The following RNF213 variants were observed in gnomAD, a reference collection of about 807,000 sequenced individuals.
RNF213 encodes the protein ring finger protein 213.
A neutral mutation model predicts 514.4 loss-of-function variants in RNF213; 341 were observed. The observed-to-expected ratio is 0.66, with a 90% CI of 0.61 to 0.73. The LOEUF is 0.73. Ranked by LOEUF, RNF213 falls within the 30% of genes least tolerant of loss-of-function variation. The pLI is 0.00. For synonymous variants in RNF213, 2,655 were observed against 2,658.2 expected (o/e 1.00, Z 0.04); for missense variants, 5,767 against 6,615.6 (o/e 0.87, Z 4.45).
chr17:80,346,950 AT>A lies in RNF213; in HGVS notation c.8616del (p.Ala2874ProfsTer21). 6.2e-7 allele frequency: 1 copy of A among 1,613,808 alleles called. No individual in the cohort carries two copies. The highest frequency in any genetic ancestry group is 8.5e-7 in the Non-Finnish European group (1 of 1,179,900). ...CTGGAAGACGGATGCATTGAAGACG[AT>A]CCCGCCCCCCACAAAAAGGTCGGCT... ...PLLEDGCIED[D>X]PAPHKKVGFV... is the part of the protein sequence containing the mutation. On this transcript the variant is annotated frameshift_variant, in exon 29 of 68. Coordinates refer to ENST00000582970, the MANE Select transcript of RNF213 (RefSeq NM_001256071.3). LOFTEE classifies it high-confidence loss of function. This position sits in a 1 kb window ranked among gnomAD's most constrained non-coding sequence, Gnocchi z 8.1.
chr17:80,298,548 G>C, intron 11 of RNF213, 30 bp downstream of exon 11: 1 of 1,613,146 alleles, frequency 6.2e-7, no homozygotes, highest in Non-Finnish European at 8.5e-7. Flanking sequence ...TTATCTACAT[G>C]AATCTGGGAA....
chr17:80,336,978 C>T lies in RNF213; in HGVS notation c.4527+600C>T, dbSNP rs563860434. 43 of 176,068 alleles carry T rather than the reference C, an allele frequency of 2.4e-4. No homozygotes were observed. The South Asian group carries it at 4.8e-3, about 20-fold the overall frequency. 10.9% of individuals were successfully genotyped at this position (176,068 alleles called of 1,614,324 possible). On this transcript the variant is annotated intron_variant, in intron 23 of 67. Transcript: ENST00000582970. ...CTGTAGCAGGGTCTGAATTGACGTA[C>T]GCAGCTTAACTAGATACCTGGGCCA... is the stretch of plus-strand genomic sequence containing the variant.
rs559008424 is a variant in RNF213 at position 80,394,362 on chromosome 17, G to A, written c.*864G>A. The A allele has an allele frequency of 1.3e-5, 2 of 152,286 alleles. No individual in the cohort carries two copies. The highest frequency in any genetic ancestry group is 4.8e-5 in the African/African-American group (2 of 41,562). 9.4% of individuals were successfully genotyped at this position (152,286 alleles called of 1,614,324 possible). A position where few individuals can be genotyped will look rare whatever the true frequency, so the allele number is the denominator to read the frequency against. On this transcript the variant is annotated 3_prime_UTR_variant, in exon 68 of 68. Coordinates refer to ENST00000582970, the MANE Select transcript of RNF213 (RefSeq NM_001256071.3). ...AAACATGCAGTCTCAGTGTGCTCTCGCATGTATGAATATCTAGTCCTTTCT... is the reference window on the plus strand; with the variant it reads ...AAACATGCAGTCTCAGTGTGCTCTCACATGTATGAATATCTAGTCCTTTCT...
chr17:80,306,036 C>T (rs1204794088), intron 11 of RNF213, among the ~76,000 whole-genome samples: 2 of 152,062 alleles, frequency 1.3e-5, no homozygotes, highest in South Asian at 2.1e-4. Context: ...CACTAGGTTC[C>T]CCAGGCTGGT....
At chr17:80,398,778 GGAAAAAAA>G (rs1438095716) in exon 68 of RNF213, 4 of 149,924 alleles carry the variant, frequency 2.7e-5, no homozygotes, top group Admixed American at 6.6e-5. Flanking sequence ...AAAATCAAGA[GGAAAAAAA>G]GAAAAAAAGA....
chr17:80,366,924 A>T (rs943528505), intron 42 of RNF213, among the ~76,000 whole-genome samples: 24 of 152,230 alleles, frequency 1.6e-4, no homozygotes, highest in African/African-American at 5.3e-4. Flanking sequence ...TTGTACAGTG[A>T]TGATGTGTAT....
At chr17:80,390,276 TA>T (rs1384057457) in intron 67 of RNF213, 80 bp downstream of exon 67, 50 of 1,469,520 alleles carry the variant, frequency 3.4e-5, no homozygotes, top group Non-Finnish European at 4.6e-5. Context: ...GACACAAAAA[TA>T]GTTCTTTTCT....
In RNF213 at chr17:80,288,055, G is replaced by A. The variant is rs111369726; in HGVS notation, c.502G>A (p.Glu168Lys). ...LEGDGLSAPT[E>K]VGDSPLQAQA... ...GGGTGACGGCCTCTCCGCGCCCACC[G>A]AGGTTGGCGACAGCCCCCTGCAGGC... is the stretch of plus-strand genomic sequence containing the variant. The change falls in exon 4 of 68, where the codon GAG (glutamate) becomes AAG (lysine). Residue 168 changes from glutamate to lysine, a missense_variant. Glu to Lys is a moderately conservative substitution (Grantham distance 56). This residue lies in a region of RNF213 where 509 missense variants were observed against 496.7 expected (regional missense o/e 1.02). Transcript: ENST00000582970. This position sits in a 1 kb window ranked among gnomAD's most constrained non-coding sequence, Gnocchi z 4.9. 3.0e-3 allele frequency: 4,845 copies of A among 1,607,412 alleles called. 118 individuals are homozygous for A. The African/African-American group carries it at 0.056, about 19-fold the overall frequency.
Position 80,347,446 on chromosome 17 carries a change from T to C in RNF213, c.9111T>C (p.Ala3037=), listed in dbSNP as rs749479458. The C allele has an allele frequency of 2.5e-6, 4 of 1,614,068 alleles. 1 individual carries two copies. In the Admixed American group the frequency reaches 5.0e-5, roughly 20 times the overall value. ...QKVPGGEQED[A]ESRYLLVLTK... is the part of the protein sequence containing the mutation. ...TGCCGGGTGGAGAGCAGGAAGATGC[T>C]GAGTCCCGCTACTTACTCGTGCTGA... is the stretch of plus-strand genomic sequence containing the variant. The change falls in exon 29 of 68, where the codon GCT becomes GCC. Residue 3037 remains alanine, a synonymous_variant. Coordinates refer to ENST00000582970, the MANE Select transcript of RNF213 (RefSeq NM_001256071.3). This position sits in a 1 kb window ranked among gnomAD's most constrained non-coding sequence, Gnocchi z 7.2.
rs1426407277 is a variant in RNF213, at chr17:80,344,720, A to G, written c.6385A>G (p.Lys2129Glu). The change falls in exon 29 of 68, where the codon AAA becomes GAA. Residue 2129 changes from lysine (K) to glutamate (E), a missense_variant. Transcript: ENST00000582970. ...PQFSFLDIFPKVTCRPPKEVI... is the reference protein window; with the variant it reads ...PQFSFLDIFPEVTCRPPKEVI... ...GTTCAGTTTTCTTGACATCTTCCCAAAAGTCACCTGCAGGCCTCCCAAAGA... is the reference window on the plus strand; with the variant it reads ...GTTCAGTTTTCTTGACATCTTCCCAGAAGTCACCTGCAGGCCTCCCAAAGA... The G allele has an allele frequency of 2.5e-6, 4 of 1,613,996 alleles. No homozygotes were observed. Among genetic ancestry groups the G allele is most frequent in the African/African-American group, 2.7e-5 (2 of 74,888 alleles).
intron 11 of RNF213, among the ~76,000 whole-genome samples, chr17:80,302,711 ATAGT>A (rs1314166400): frequency 6.6e-6 from 1 of 152,120 alleles, no homozygotes; most frequent in Admixed American, 6.6e-5. Context: ...AACAAAAAAA[ATAGT>A]TAGGCATGGT....
intron 3 of RNF213, among the ~76,000 whole-genome samples, chr17:80,281,624 A>AACACACACACACCCCACT (rs1598911764): frequency 1.7e-5 from 1 of 57,948 alleles, no homozygotes; most frequent in Admixed American, 1.9e-4. Flanking sequence ...CCACTCACAC[A>AACACACACACACCCCACT]CACCCCCAAC....
rs747220402 is a variant in RNF213 at position 80,291,792 on chromosome 17, G to A, written c.1436G>A (p.Cys479Tyr). 1 of 1,614,256 alleles carries A rather than the reference G, an allele frequency of 6.2e-7. No homozygotes were observed. Among genetic ancestry groups the A allele is most frequent in the Admixed American group, 1.7e-5 (1 of 60,032 alleles). The part of the protein sequence containing the change: ...QQKKGEYVNR[C>Y]LFIKSSLLGS... ...AAGAAGGGCGAGTACGTCAACCGCTGTCTGTTCATAAAATCTTCACTTCTG... is the reference window on the plus strand; with the variant it reads ...AAGAAGGGCGAGTACGTCAACCGCTATCTGTTCATAAAATCTTCACTTCTG... The change falls in exon 8 of 68, where the codon TGT becomes TAT. Residue 479 changes from cysteine (C) to tyrosine (Y), a missense_variant. Transcript: ENST00000582970.
chr17:80,372,821 T>C (rs2079569453), intron 48 of RNF213, 87 bp downstream of exon 48: 2 of 1,426,008 alleles, frequency 1.4e-6, no homozygotes, highest in African/African-American at 1.4e-5. Flanking sequence ...GTTCTTCGAA[T>C]AGACTACTAC....
intron 3 of RNF213, among the ~76,000 whole-genome samples, chr17:80,274,532 G>A (rs1320824888): frequency 8.4e-6 from 1 of 118,882 alleles, no homozygotes; most frequent in African/African-American, 3.4e-5. Context: ...CTTGTAGGTG[G>A]CACTCCATGG....
At chr17:80,386,636 C>A (rs891593592) in intron 62 of RNF213, 54 bp from the exon 63 acceptor site, 1 of 1,573,178 alleles carries the variant, frequency 6.4e-7, no homozygotes, top group African/African-American at 1.3e-5. Context: ...CAACATAGAG[C>A]CCTAGGCCCG....
chr17:80,342,151 T>C (rs555499766), intron 26 of RNF213: 8 of 152,448 alleles, frequency 5.2e-5, no homozygotes, highest in African/African-American at 1.9e-4. Context: ...CCCCACTGTA[T>C]GTAGGATGCC....
chr17:80,322,080 A>T (rs1417575576), intron 17 of RNF213, among the ~76,000 whole-genome samples: 1 of 150,366 alleles, frequency 6.7e-6, no homozygotes, highest in Non-Finnish European at 1.5e-5. Context: ...GCATCTTTTC[A>T]TATGCTTATT....
chr17:80,300,795 G>A (rs576781049), intron 11 of RNF213, among the ~76,000 whole-genome samples: 6 of 151,612 alleles, frequency 4.0e-5, no homozygotes, highest in African/African-American at 7.3e-5. Context: ...CAAGTGATCC[G>A]CCCACCTTGG....
Sources: allele counts gnomAD v4.1 joint callset (sites outside exome capture counted in the v4.1 genomes callset), GRCh38; gene constraint gnomAD v4.1.1; regional missense constraint gnomAD v4.1.1; non-coding constraint Gnocchi (gnomAD v3.1); transcripts MANE v1.5; gene names NCBI Gene and HGNC (gene_info 2026-07-23, HGNC 2026-07-21).